KIF5B: variants seen among roughly 807,000 people sequenced by gnomAD.
The protein encoded by KIF5B is kinesin family member 5B.
Under a neutral mutation model 132.8 loss-of-function variants are expected in KIF5B, and 49 were observed. The observed-to-expected ratio is 0.37, with a 90% CI of 0.29 to 0.47. The LOEUF (loss-of-function observed/expected upper bound fraction) is 0.47, where lower values mean the gene tolerates loss of function less well. Among genes scored for constraint, KIF5B ranks in the 20% least tolerant of loss-of-function variants. The probability of loss-of-function intolerance (pLI) is 1.00; values close to 1 mark genes in which losing one functional copy is unlikely to be tolerated. For missense variants in KIF5B, 780 were observed against 1,144.0 expected, an observed-to-expected ratio of 0.68 and a Z score of 4.59; for synonymous variants, 355 against 369.4, an observed-to-expected ratio of 0.96 and a Z score of 0.45.
chr10:32,050,558 G>A (rs753444089), intron 1 of KIF5B, among the ~76,000 whole-genome samples: 2 of 152,176 alleles, frequency 1.3e-5, no homozygotes, highest in East Asian at 1.9e-4. Flanking sequence ...GTGAGGAACC[G>A]TGAAGGGCCT....
At chr10:32,052,602 T>G (rs1841707020) in intron 1 of KIF5B, among the ~76,000 whole-genome samples, 1 of 152,208 alleles carries the variant, frequency 6.6e-6, no homozygotes, top group African/African-American at 2.4e-5. Context: ...CTTCCTGGTG[T>G]TTTTAGCAAG....
At chr10:32,018,622 TGA>T (rs1841212836) in intron 20 of KIF5B, 60 bp from the exon 21 acceptor site, 5 of 1,235,094 alleles carry the variant, frequency 4.0e-6, no homozygotes, top group East Asian at 4.7e-5. Context: ...GTACTTAGCA[TGA>T]GAGTTGAATA....
Position 32,055,389 on chromosome 10 carries a change from C to A in KIF5B, c.126+459G>T, listed in dbSNP as rs138890144. On this transcript the variant is annotated intron_variant, in intron 1 of 25. Coordinates refer to ENST00000302418, the MANE Select transcript of KIF5B (RefSeq NM_004521.3). The stretch of plus-strand genomic sequence containing the variant: ...CTGGTTATGTTTCCATAAAACTAAG[C>A]ATCTTTACTAAAGTACACTACGGCT... Among the ~76,000 whole-genome samples the A allele has an allele frequency of 7.9e-5, 12 of 152,254 alleles. No individual in the cohort carries two copies. In the East Asian group the frequency reaches 2.3e-3, roughly 29 times the overall value.
intron 6 of KIF5B, among the ~76,000 whole-genome samples, chr10:32,037,887 G>A (rs1187299262): frequency 5.3e-5 from 8 of 151,824 alleles, no homozygotes; most frequent in African/African-American, 1.7e-4. Flanking sequence ...AGAGGCGGGC[G>A]GATCACGAGG....
chr10:32,024,042 C>T (rs1404932863), intron 15 of KIF5B, among the ~76,000 whole-genome samples: 1 of 105,626 alleles, frequency 9.5e-6, no homozygotes, highest in Non-Finnish European at 1.9e-5. Context: ...CAAAAAATGA[C>T]GTTGAGAGTA....
intron 17 of KIF5B, among the ~76,000 whole-genome samples, chr10:32,021,823 T>A (rs537700396): frequency 6.6e-6 from 1 of 151,844 alleles, no homozygotes; most frequent in African/African-American, 2.4e-5. Context: ...AGGTAAAAAA[T>A]TAGCCAGGCG....
At chr10:32,041,175 T>C (rs1841533802) in intron 2 of KIF5B, among the ~76,000 whole-genome samples, 1 of 151,078 alleles carries the variant, frequency 6.6e-6, no homozygotes, top group Non-Finnish European at 1.5e-5. Flanking sequence ...CAAAATTATT[T>C]GTGGAAAGAG....
chr10:32,012,207 T>C (rs1265410885), intron 25 of KIF5B, among the ~76,000 whole-genome samples: 1 of 152,210 alleles, frequency 6.6e-6, no homozygotes, highest in Non-Finnish European at 1.5e-5. Flanking sequence ...GCACAGTGGC[T>C]CACACCTGTA....
intron 12 of KIF5B, among the ~76,000 whole-genome samples, chr10:32,033,279 C>G (rs985190781): frequency 3.9e-5 from 6 of 152,138 alleles, no homozygotes; most frequent in African/African-American, 1.4e-4. Flanking sequence ...GAACAGGGGT[C>G]CCCAAGCCCC....
At position 32,018,120 on chromosome 10, in the gene KIF5B, C is replaced by T. The variant is rs1376709851; in HGVS notation, c.2476G>A (p.Ala826Thr). 6.8e-6 allele frequency: 11 copies of T among 1,611,138 alleles called. No individual in the cohort carries two copies. Among genetic ancestry groups the T allele is most frequent in the East Asian group, 4.5e-5 (2 of 44,858 alleles). ...EIDSDDTGGS[A>T]AQKQKISFLE... ...AAGGAGATTTTTTGCTTCTGAGCAG[C>T]GCTGCCTCCGGTGTCATCAGAATCA... Residue 826 changes from alanine (A) to threonine (T), a missense_variant, in exon 23 of 26, where the codon GCT becomes ACT. By Grantham distance (58) the Ala-to-Thr change is moderately conservative. Coordinates refer to ENST00000302418, the MANE Select transcript of KIF5B (RefSeq NM_004521.3).
At chr10:32,039,549 C>A (rs1218842715) in intron 3 of KIF5B, 118 bp from the exon 4 acceptor site, 2 of 597,846 alleles carry the variant, frequency 3.3e-6, no homozygotes, top group East Asian at 3.2e-5. Flanking sequence ...TTTGTGGAAA[C>A]GGCTCTGTAA....
Position 32,018,265 on chromosome 10 carries a change from T to C in KIF5B, c.2439+51A>G, listed in dbSNP as rs754123167. 3.9e-5 allele frequency: 57 copies of C among 1,457,458 alleles called. No homozygotes were observed. In the Admixed American group the frequency reaches 1.3e-3, roughly 33 times the overall value. 90.3% of individuals were successfully genotyped at this position (1,457,458 alleles called of 1,614,324 possible). A position where few individuals can be genotyped will look rare whatever the true frequency, so the allele number is the denominator to read the frequency against. On this transcript the variant is annotated intron_variant, in intron 22 of 25. Coordinates refer to ENST00000302418, the MANE Select transcript of KIF5B (RefSeq NM_004521.3). ...TTCACTTTGAATACAAATAATTACCTAGAAGTAAGCACCATTTATGCAAAC... is the reference window on the plus strand; with the variant it reads ...TTCACTTTGAATACAAATAATTACCCAGAAGTAAGCACCATTTATGCAAAC...
chr10:32,022,033 G>A lies in KIF5B; in HGVS notation c.2032+107C>T, dbSNP rs1184667482. ...AATATGTATGATTTGTTTACCATTC[G>A]AAATCAGCCATATTCCTACTATTTC... On this transcript the variant is annotated intron_variant, in intron 17 of 25. Transcript: ENST00000302418. 25 of 624,848 alleles carry A rather than the reference G, an allele frequency of 4.0e-5. No individual in the cohort carries two copies. In the East Asian group the frequency reaches 4.4e-4, roughly 11 times the overall value. 38.7% of individuals were successfully genotyped at this position (624,848 alleles called of 1,614,324 possible). A position where few individuals can be genotyped will look rare whatever the true frequency, so the allele number is the denominator to read the frequency against.
rs186490651 is a variant in KIF5B at position 32,028,399 on chromosome 10, T to C, written c.1725+29A>G. ...AAAAGTGCCAGTGTATACAGATAAT[T>C]GTCCTTAATACTTAGTTATTATATT... On this transcript the variant is annotated intron_variant, in intron 15 of 25. Transcript: ENST00000302418. The C allele has an allele frequency of 2.5e-5, 39 of 1,566,858 alleles. No homozygotes were observed. The African/African-American group carries it at 4.8e-4, about 19-fold the overall frequency.
rs1841184825 is a variant in KIF5B, at chr10:32,017,265, G to A, written c.2639C>T (p.Ala880Val). ...TAERVKALES[A>V]LKEAKENASR... is the part of the protein sequence containing the mutation. ...TGCATTTTCTTTAGCTTCTTTCAGTGCTGATTCCAAAGCTTTCACTCTCTC... is the reference window on the plus strand; with the variant it reads ...TGCATTTTCTTTAGCTTCTTTCAGTACTGATTCCAAAGCTTTCACTCTCTC... Residue 880 changes from alanine to valine, a missense_variant, in exon 24 of 26, where the codon GCA becomes GTA. Physicochemically the swap from Ala to Val is moderately conservative, Grantham distance 64. Coordinates refer to ENST00000302418, the MANE Select transcript of KIF5B (RefSeq NM_004521.3). The A allele has an allele frequency of 6.2e-7, 1 of 1,614,126 alleles. No homozygotes were observed. The highest frequency in any genetic ancestry group is 1.3e-5 in the African/African-American group (1 of 75,046).
intron 15 of KIF5B, among the ~76,000 whole-genome samples, chr10:32,023,401 C>T (rs1841291210): frequency 1.3e-5 from 2 of 152,090 alleles, no homozygotes. Context: ...ATCATGTGCA[C>T]GTTCAGCTTA....
intron 15 of KIF5B, among the ~76,000 whole-genome samples, chr10:32,025,824 TG>T (rs1250022079): frequency 2.0e-5 from 3 of 152,234 alleles, no homozygotes; most frequent in African/African-American, 7.2e-5. Context: ...TGAAAAGCCA[TG>T]GAAGAATCTT....
intron 1 of KIF5B, among the ~76,000 whole-genome samples, chr10:32,054,587 C>T (rs1228099752): frequency 6.6e-6 from 1 of 152,190 alleles, no homozygotes; most frequent in Non-Finnish European, 1.5e-5. Flanking sequence ...GACCTCTGCC[C>T]TATTTCCAAA....
At chr10:32,020,666 C>G (rs1841246973) in intron 19 of KIF5B, among the ~76,000 whole-genome samples, 1 of 152,122 alleles carries the variant, frequency 6.6e-6, no homozygotes, top group South Asian at 2.1e-4. Context: ...TCTAGTGATC[C>G]TCCCACCCCA....
Sources: allele counts gnomAD v4.1 joint callset (sites outside exome capture counted in the v4.1 genomes callset), GRCh38; gene constraint gnomAD v4.1.1; transcripts MANE v1.5; gene names NCBI Gene and HGNC (gene_info 2026-07-23, HGNC 2026-07-21).